ELAC2: variants seen among roughly 807,000 people sequenced by gnomAD.
ELAC2 encodes elaC ribonuclease Z 2.
Under a neutral mutation model 105.2 loss-of-function variants are expected in ELAC2, and 92 were observed. The ratio of observed to expected loss-of-function variants is 0.87; its 90% CI spans 0.74 to 1.04. The LOEUF is 1.04. ELAC2 is among the 50% of genes least tolerant of loss of function. The pLI is 0.00. For synonymous variants in ELAC2, 468 were observed against 409.1 expected, an observed-to-expected ratio of 1.14 and a Z score of -1.74; for missense variants, 1,099 against 1,071.7, an observed-to-expected ratio of 1.03 and a Z score of -0.36.
Position 12,993,001 on chromosome 17 carries a change from T to TG in ELAC2, c.2297dup (p.Leu767ThrfsTer102). ...TGTCGCCAGCAAACAGGGCTTTCAG[T>TG]GGGGGAATCAGCTTGGGCATTGTTG... On this transcript the variant is annotated frameshift_variant, in exon 24 of 24. Transcript: ENST00000338034. LOFTEE classifies it low-confidence loss of function (END_TRUNC). 6.2e-7 allele frequency: 1 copy of TG among 1,606,284 alleles called. No homozygotes were observed. The highest frequency in any genetic ancestry group is 8.5e-7 in the Non-Finnish European group (1 of 1,178,090).
intron 6 of ELAC2, 47 bp from the exon 7 acceptor site, chr17:13,011,829 T>G (rs1294700684): frequency 6.2e-7 from 1 of 1,613,800 alleles, no homozygotes; most frequent in Non-Finnish European, 8.5e-7. Flanking sequence ...CAAGGTGAGC[T>G]GACAGCCAAG....
intron 8 of ELAC2, 98 bp from the exon 9 acceptor site, chr17:13,006,077 A>C (rs2041091903): frequency 7.6e-7 from 1 of 1,318,848 alleles, no homozygotes; most frequent in African/African-American, 1.5e-5. Flanking sequence ...ATTAAAAAAA[A>C]ATAATAATGT....
intron 14 of ELAC2, among the ~76,000 whole-genome samples, chr17:13,001,713 A>G (rs2040822136): frequency 6.6e-6 from 1 of 150,696 alleles, no homozygotes; most frequent in African/African-American, 2.4e-5. Flanking sequence ...AGATTTATAT[A>G]TAAGACATTT....
intron 15 of ELAC2, 151 bp from the exon 16 acceptor site, chr17:12,998,659 C>T (rs554239871): frequency 3.5e-5 from 27 of 767,432 alleles, no homozygotes; most frequent in Middle Eastern, 6.9e-4. Flanking sequence ...TTTTGGGAGG[C>T]GGGGCCTAGT....
intron 10 of ELAC2, 155 bp from the exon 11 acceptor site, chr17:13,005,256 T>C (rs2041038621): frequency 1.4e-6 from 1 of 705,222 alleles, no homozygotes; most frequent in Non-Finnish European, 2.6e-6. Flanking sequence ...TCAACACCCT[T>C]CTGGTCTCTT....
rs1172503525 is a variant in ELAC2, at chr17:12,996,667, T to C, written c.1539A>G (p.Leu513=). The C allele has an allele frequency of 3.7e-6, 6 of 1,613,754 alleles. No homozygotes were observed. The highest frequency in any genetic ancestry group is 4.2e-6 in the Non-Finnish European group (5 of 1,179,948). Residue 513 remains leucine, a synonymous_variant, in exon 17 of 24, where the codon CTA becomes CTG. Transcript: ENST00000338034. ...LVNISPDTSL[L]LDCGEGTFGQ... ...CAAATGTGCCCTCACCACAGTCCAG[T>C]AGCAGAGACGTGTCGGGGCTGCAGA...
At chr17:13,002,383 TG>T (rs761972382) in intron 13 of ELAC2, 24 bp from the exon 14 acceptor site, 6 of 1,613,956 alleles carry the variant, frequency 3.7e-6, no homozygotes, top group Non-Finnish European at 5.1e-6. Context: ...AACACATTCA[TG>T]GAGAGAAAGA....
In ELAC2 at chr17:13,016,941, G is replaced by C. The variant is rs774069190; in HGVS notation, c.297-9C>G. Reference sequence around the variant, plus strand: ...GGCGAGCAACCTTTAACCTAAGAATGAAAAAACATTTAAACAGGATAACAT... The same window carrying C: ...GGCGAGCAACCTTTAACCTAAGAATCAAAAAACATTTAAACAGGATAACAT... On this transcript the variant is annotated splice_polypyrimidine_tract_variant and intron_variant, in intron 2 of 23. Transcript: ENST00000338034. 1 of 1,613,770 alleles carries C rather than the reference G, an allele frequency of 6.2e-7. No individual in the cohort carries two copies. The highest frequency in any genetic ancestry group is 1.1e-5 in the South Asian group (1 of 91,064).
At chr17:12,995,165 G>A in intron 19 of ELAC2, 103 bp from the exon 20 acceptor site, 1 of 1,178,594 alleles carries the variant, frequency 8.5e-7, no homozygotes. Flanking sequence ...ATTCTTAGGA[G>A]AAAACATGAG....
At chr17:13,012,388 A>G (rs2041465956) in intron 6 of ELAC2, among the ~76,000 whole-genome samples, 1 of 152,218 alleles carries the variant, frequency 6.6e-6, no homozygotes, top group Non-Finnish European at 1.5e-5. Flanking sequence ...GGGGGTGGCT[A>G]CAGCAGGGGT....
chr17:13,014,550 C>A, intron 4 of ELAC2, 54 bp from the exon 5 acceptor site: 1 of 1,283,232 alleles, frequency 7.8e-7, no homozygotes, highest in Non-Finnish European at 1.1e-6. Context: ...TAGAACACAG[C>A]AACTATTCAA....
At chr17:13,012,908 G>A (rs1046644430) in intron 6 of ELAC2, among the ~76,000 whole-genome samples, 31 of 152,178 alleles carry the variant, frequency 2.0e-4, no homozygotes, top group African/African-American at 3.4e-4. Flanking sequence ...AGGGTATTAC[G>A]CCTGTGGGAA....
chr17:13,002,808 A>G (rs2040890631), intron 12 of ELAC2: 2 of 637,404 alleles, frequency 3.1e-6, no homozygotes, highest in South Asian at 1.9e-5. Flanking sequence ...GTGAGAGGAA[A>G]AACAAGAAAA....
intron 11 of ELAC2, 165 bp from the exon 12 acceptor site, chr17:13,003,739 C>T (rs1012499194): frequency 1.5e-6 from 1 of 652,232 alleles, no homozygotes; most frequent in African/African-American, 1.8e-5. Flanking sequence ...TCACGGCAGA[C>T]CCCGGTGCTG....
At position 12,992,872 on chromosome 17, in the gene ELAC2, C is replaced by T. The variant is rs755713504; in HGVS notation, c.2427G>A (p.Gln809=). The T allele has an allele frequency of 5.0e-6, 8 of 1,613,398 alleles. 1 individual carries two copies. In the South Asian group the frequency reaches 7.7e-5, roughly 15 times the overall value. Reference sequence around the variant, plus strand: ...GCTCCTCTGTGTGGGCCCGCTTCTGCTGAGGCTCCCCATCCTCCAGGCCGC... The same window carrying T: ...GCTCCTCTGTGTGGGCCCGCTTCTGTTGAGGCTCCCCATCCTCCAGGCCGC... ...LAGGLEDGEP[Q]QKRAHTEEPQ... Residue 809 remains glutamine, a synonymous_variant, in exon 24 of 24, where the codon CAG becomes CAA. Coordinates refer to ENST00000338034, the MANE Select transcript of ELAC2 (RefSeq NM_018127.7).
rs369642988 is a variant in ELAC2 at position 13,014,650 on chromosome 17, C to T, written c.433-154G>A. ...TTTATTACAAATATTTACTGAGTAT[C>T]CATTATATCAGATGCCAAGGATATA... On this transcript the variant is annotated intron_variant, in intron 4 of 23. Transcript: ENST00000338034. 5.9e-5 allele frequency among the ~76,000 whole-genome samples: 9 copies of T among 152,222 alleles called. No homozygotes were observed. The East Asian group carries it at 1.5e-3, about 26-fold the overall frequency.
chr17:13,000,298 T>G, intron 14 of ELAC2, 24 bp from the exon 15 acceptor site: 1 of 1,606,450 alleles, frequency 6.2e-7, no homozygotes. Context: ...GAGAAGCATC[T>G]CAGGTGACGG....
intron 1 of ELAC2, 28 bp downstream of exon 1, chr17:13,017,675 C>G: frequency 6.2e-7 from 1 of 1,613,148 alleles, no homozygotes; most frequent in Non-Finnish European, 8.5e-7. Context: ...GAGGGCCCAG[C>G]GGGACGGGGC....
rs1033057667 is a variant in ELAC2, at chr17:12,992,431, G to C, written c.*387C>G. 2.2e-5 allele frequency: 8 copies of C among 371,666 alleles called. No individual in the cohort carries two copies. Among genetic ancestry groups the C allele is most frequent in the African/African-American group, 6.0e-5 (3 of 49,610 alleles). The allele number at this position is 371,666 out of a possible 1,614,324, so 23.0% of individuals were successfully genotyped here. ...TTATTGCAGCTGAAATACTATTTTC[G>C]TTAAGTCTCGGACACTTAGACCCAC... On this transcript the variant is annotated 3_prime_UTR_variant, in exon 24 of 24. Coordinates refer to ENST00000338034, the MANE Select transcript of ELAC2 (RefSeq NM_018127.7).
Sources: allele counts gnomAD v4.1 joint callset (sites outside exome capture counted in the v4.1 genomes callset), GRCh38; gene constraint gnomAD v4.1.1; transcripts MANE v1.5; gene names NCBI Gene and HGNC (gene_info 2026-07-23, HGNC 2026-07-21).